CACNG2: variants seen among roughly 807,000 people sequenced by gnomAD.
CACNG2 encodes voltage-dependent calcium channel gamma-2 subunit.
A neutral mutation model predicts 25.9 loss-of-function variants in CACNG2; 3 were observed. That is an observed-to-expected ratio of 0.12 (90% confidence interval 0.05 to 0.30). The LOEUF (loss-of-function observed/expected upper bound fraction) is 0.30. Ranked by LOEUF, CACNG2 falls within the 10% of genes least tolerant of loss-of-function variation. CACNG2 has a pLI of 1.00. For synonymous variants in CACNG2, 167 were observed against 173.3 expected, an observed-to-expected ratio of 0.96 and a Z score of 0.29; for missense variants, 341 against 432.5, an observed-to-expected ratio of 0.79 and a Z score of 1.88.
intron 1 of CACNG2, among the ~76,000 whole-genome samples, chr22:36,599,302 A>C (rs1935720627): frequency 6.6e-6 from 1 of 152,240 alleles, no homozygotes. Flanking sequence ...ATATGGTATG[A>C]TTCCATTTTC....
chr22:36,651,825 C>A (rs1043555522), intron 1 of CACNG2, among the ~76,000 whole-genome samples: 1 of 152,120 alleles, frequency 6.6e-6, no homozygotes, highest in Non-Finnish European at 1.5e-5. Context: ...GTGACACTTA[C>A]CAACCTCTCC....
At chr22:36,611,226 G>T (rs1012070272) in intron 1 of CACNG2, among the ~76,000 whole-genome samples, 1 of 152,186 alleles carries the variant, frequency 6.6e-6, no homozygotes, top group African/African-American at 2.4e-5. Flanking sequence ...GCCCTCTATA[G>T]ATTCGGGCTC....
intron 1 of CACNG2, among the ~76,000 whole-genome samples, chr22:36,632,894 G>A (rs1936297816): frequency 6.6e-6 from 1 of 151,756 alleles, no homozygotes; most frequent in Non-Finnish European, 1.5e-5. Flanking sequence ...CCTTTTCCTG[G>A]GCTATAAGAC....
rs769415097 is a variant in CACNG2, at chr22:36,563,758, G to T, written c.*593C>A. On this transcript the variant is annotated 3_prime_UTR_variant, in exon 4 of 4. Coordinates refer to ENST00000300105, the MANE Select transcript of CACNG2 (RefSeq NM_006078.5). ...GTGACTGCAGGCTCACCTGGCCCCA[G>T]GGCCCCTGAGTCTCGCCCCCCAATC... 6.6e-6 allele frequency among the ~76,000 whole-genome samples: 1 copy of T among 151,636 alleles called. No individual in the cohort carries two copies. The highest frequency in any genetic ancestry group is 6.5e-5 in the Admixed American group (1 of 15,270).
At chr22:36,575,719 C>T (rs1248078030) in intron 2 of CACNG2, among the ~76,000 whole-genome samples, 1 of 152,186 alleles carries the variant, frequency 6.6e-6, no homozygotes, top group Non-Finnish European at 1.5e-5. Context: ...CAAGACCTCT[C>T]CCCAGGGCCC....
chr22:36,594,466 A>G (rs1428381972), intron 1 of CACNG2, among the ~76,000 whole-genome samples: 1 of 152,244 alleles, frequency 6.6e-6, no homozygotes. Flanking sequence ...AGGAACTTGC[A>G]GTCTATGATG....
chr22:36,620,312 C>T (rs1232384588), intron 1 of CACNG2, among the ~76,000 whole-genome samples: 5 of 152,196 alleles, frequency 3.3e-5, no homozygotes, highest in African/African-American at 4.8e-5. Context: ...GAACTTAAGG[C>T]AGATGGTCCT....
intron 1 of CACNG2, among the ~76,000 whole-genome samples, chr22:36,679,059 C>T (rs945865518): frequency 6.6e-6 from 1 of 152,336 alleles, no homozygotes; most frequent in East Asian, 1.9e-4. Flanking sequence ...TGTGCCTTAA[C>T]TGATACTCAG....
At chr22:36,573,707 A>G (rs1935269627) in intron 2 of CACNG2, among the ~76,000 whole-genome samples, 1 of 152,134 alleles carries the variant, frequency 6.6e-6, no homozygotes, top group Non-Finnish European at 1.5e-5. Flanking sequence ...TTTGTTCAAG[A>G]TTTGTGAATC....
chr22:36,620,971 T>C (rs1487294049), intron 1 of CACNG2, among the ~76,000 whole-genome samples: 1 of 152,238 alleles, frequency 6.6e-6, no homozygotes, highest in Non-Finnish European at 1.5e-5. Context: ...CTCCTGACTG[T>C]TGGGTTTGAT....
Position 36,702,815 on chromosome 22 carries a change from G to T in CACNG2, c.-239C>A. 1 of 348,012 alleles carries T rather than the reference G, an allele frequency of 2.9e-6. No homozygotes were observed. The highest frequency in any genetic ancestry group is 4.9e-5 in the East Asian group (1 of 20,340). The allele number at this position is 348,012 out of a possible 1,614,324, so 21.6% of individuals were successfully genotyped here. A position where few individuals can be genotyped will look rare whatever the true frequency, so the allele number is the denominator to read the frequency against. On this transcript the variant is annotated 5_prime_UTR_variant, in exon 1 of 4. The change creates a new upstream start codon in the 5' untranslated region. Coordinates refer to ENST00000300105, the MANE Select transcript of CACNG2 (RefSeq NM_006078.5). Reference sequence around the variant, plus strand: ...GGAAGAGGCTTGCCTTTTGAGATCAGAAACTGTTCCAGTTGCAGTGTTTTT... The same window carrying T: ...GGAAGAGGCTTGCCTTTTGAGATCATAAACTGTTCCAGTTGCAGTGTTTTT...
chr22:36,685,320 A>G (rs940998086), intron 1 of CACNG2, among the ~76,000 whole-genome samples: 2 of 151,512 alleles, frequency 1.3e-5, no homozygotes, highest in East Asian at 2.0e-4. Flanking sequence ...GGCAGCTTCC[A>G]TCTCTCCCGG....
At chr22:36,616,324 G>C (rs1214475454) in intron 1 of CACNG2, among the ~76,000 whole-genome samples, 2 of 152,162 alleles carry the variant, frequency 1.3e-5, no homozygotes, top group African/African-American at 4.8e-5. Context: ...TCCCTTGTTA[G>C]AATTCTATCC....
intron 1 of CACNG2, among the ~76,000 whole-genome samples, chr22:36,682,071 C>T (rs761770928): frequency 2.6e-5 from 4 of 152,202 alleles, no homozygotes; most frequent in Non-Finnish European, 5.9e-5. Context: ...GACCAAGAGG[C>T]AGAATTCCTA....
rs763137676 is a variant in CACNG2 at position 36,606,339 on chromosome 22, C to T, written c.212-18791G>A. On this transcript the variant is annotated intron_variant, in intron 1 of 3. Coordinates refer to ENST00000300105, the MANE Select transcript of CACNG2 (RefSeq NM_006078.5). The surrounding 1 kb of genome is among the most constrained non-coding windows in gnomAD (Gnocchi z 5.7). ...AGGCATGGGGCCAAGCACTTTACAA[C>T]AAGCCTGTTGAGGTGGACGCTATTA... 7.9e-5 allele frequency among the ~76,000 whole-genome samples: 12 copies of T among 152,202 alleles called. No homozygotes were observed. The highest frequency in any genetic ancestry group is 1.0e-4 in the Non-Finnish European group (7 of 68,040).
At chr22:36,586,955 CTCTT>C (rs1197654754) in intron 2 of CACNG2, among the ~76,000 whole-genome samples, 3 of 148,298 alleles carry the variant, frequency 2.0e-5, no homozygotes, top group Non-Finnish European at 4.4e-5. Flanking sequence ...AAAAATCTCT[CTCTT>C]TTTTTTTTTT....
chr22:36,595,179 G>A (rs1022818794), intron 1 of CACNG2, among the ~76,000 whole-genome samples: 9 of 152,082 alleles, frequency 5.9e-5, no homozygotes, highest in Non-Finnish European at 1.2e-4. Flanking sequence ...GGAGGGTTGA[G>A]AAGGGCTTTC....
chr22:36,673,857 C>T (rs561698902), intron 1 of CACNG2, among the ~76,000 whole-genome samples: 2 of 152,314 alleles, frequency 1.3e-5, no homozygotes, highest in South Asian at 2.1e-4. Context: ...CTCTACTTGT[C>T]ACTTCCAGGA....
At chr22:36,698,547 A>G (rs576966560) in intron 1 of CACNG2, among the ~76,000 whole-genome samples, 1 of 152,106 alleles carries the variant, frequency 6.6e-6, no homozygotes, top group Non-Finnish European at 1.5e-5. Context: ...GCAGGCCATC[A>G]TGACTTGGAA....
Sources: allele counts gnomAD v4.1 joint callset (sites outside exome capture counted in the v4.1 genomes callset), GRCh38; gene constraint gnomAD v4.1.1; non-coding constraint Gnocchi (gnomAD v3.1); transcripts MANE v1.5; gene names NCBI Gene and HGNC (gene_info 2026-07-23, HGNC 2026-07-21).